VAV2: variants seen among roughly 807,000 people sequenced by gnomAD.
VAV2 encodes guanine nucleotide exchange factor VAV2.
VAV2 carries 67 observed loss-of-function variants against 132.5 expected under a neutral mutation model. That is an observed-to-expected ratio of 0.51 (90% confidence interval 0.42 to 0.62). VAV2 has a LOEUF of 0.62. Ranked by LOEUF, VAV2 falls within the 20% of genes least tolerant of loss-of-function variation. The pLI is 0.00. For synonymous variants in VAV2, 492 were observed against 443.5 expected (o/e 1.11, Z -1.37); for missense variants, 938 against 1,153.6 (o/e 0.81, Z 2.71).
At chr9:133,843,995 G>A (rs919977637) in intron 3 of VAV2, among the ~76,000 whole-genome samples, 2 of 152,194 alleles carry the variant, frequency 1.3e-5, no homozygotes, top group Non-Finnish European at 2.9e-5. Flanking sequence ...AGGGGAGATG[G>A]TGAATACACC....
intron 2 of VAV2, among the ~76,000 whole-genome samples, chr9:133,906,221 C>T (rs1338021078): frequency 6.6e-6 from 1 of 152,190 alleles, no homozygotes; most frequent in South Asian, 2.1e-4. Flanking sequence ...CACACATCAC[C>T]GTGTGCCTGC....
chr9:133,878,769 C>G (rs1838369493), intron 2 of VAV2, among the ~76,000 whole-genome samples: 1 of 152,222 alleles, frequency 6.6e-6, no homozygotes. Context: ...GGTCCCGATC[C>G]AGCCAGTGGG....
rs1376404854 is a variant in VAV2, at chr9:133,772,066, C to T, written c.2136-20G>A. ...TTGAACCTGAGCAAACACACGGCCC[C>T]GGCGGTCACCGCGTGAGGGCCACAC... On this transcript the variant is annotated intron_variant, in intron 25 of 29. Coordinates refer to ENST00000371850, the MANE Select transcript of VAV2 (RefSeq NM_001134398.2). 1.2e-5 allele frequency: 20 copies of T among 1,609,504 alleles called. No individual in the cohort carries two copies. The highest frequency in any genetic ancestry group is 1.5e-5 in the Non-Finnish European group (18 of 1,176,104).
Position 133,794,353 on chromosome 9 carries a change from G to A in VAV2, c.1101+1315C>T, listed in dbSNP as rs539589864. Among the ~76,000 whole-genome samples the A allele has an allele frequency of 1.4e-4, 21 of 152,158 alleles. No homozygotes were observed. Among genetic ancestry groups the A allele is most frequent in the Admixed American group, 1.4e-3 (21 of 15,290 alleles). ...AGGGTGCTCGCTGCCCAGTGCAGCC[G>A]AGCGGGAATCTGAAGGTCTCTGGGA... On this transcript the variant is annotated intron_variant, in intron 12 of 29. Coordinates refer to ENST00000371850, the MANE Select transcript of VAV2 (RefSeq NM_001134398.2). The surrounding 1 kb of genome is among the most constrained non-coding windows in gnomAD (Gnocchi z 4.6).
chr9:133,988,371 A>G (rs1196312778), intron 1 of VAV2, among the ~76,000 whole-genome samples: 2 of 152,170 alleles, frequency 1.3e-5, no homozygotes, highest in African/African-American at 4.8e-5. Flanking sequence ...TTATTTAAAC[A>G]GTCCTGGGAG....
chr9:133,808,254 C>T (rs76730015), intron 7 of VAV2, among the ~76,000 whole-genome samples: 2,363 of 152,282 alleles, frequency 0.016, 66 homozygotes, highest in African/African-American at 0.054. Context: ...GCAGAAAGGC[C>T]GCTGGCCAAG....
chr9:133,849,488 T>C lies in VAV2; in HGVS notation c.380+11886A>G, dbSNP rs188635587. Among the ~76,000 whole-genome samples the C allele has an allele frequency of 6.4e-4, 98 of 152,356 alleles. 1 individual carries two copies. Among genetic ancestry groups the C allele is most frequent in the Admixed American group, 2.6e-3 (40 of 15,308 alleles). On this transcript the variant is annotated intron_variant, in intron 3 of 29. Coordinates refer to ENST00000371850, the MANE Select transcript of VAV2 (RefSeq NM_001134398.2). The stretch of plus-strand genomic sequence containing the variant: ...GAGGCGTGGCTGAGGGACCCCCTCC[T>C]GGACCCTGCGTCCCAGAGCTGGCTG...
chr9:133,862,634 G>A (rs903748193), intron 2 of VAV2, among the ~76,000 whole-genome samples: 4 of 152,190 alleles, frequency 2.6e-5, no homozygotes, highest in Non-Finnish European at 5.9e-5. Context: ...CGACGGCCAC[G>A]TGCCGAATTC....
intron 2 of VAV2, among the ~76,000 whole-genome samples, chr9:133,888,954 C>T (rs2073883): frequency 0.2 from 30,469 of 152,164 alleles, 3,506 homozygotes; most frequent in East Asian, 0.33. Context: ...GGAGACGACA[C>T]GAACAGCATG....
Position 133,769,269 on chromosome 9 carries a change from C to T in VAV2, c.2434+148G>A, listed in dbSNP as rs980356455. 2.3e-6 allele frequency: 2 copies of T among 880,498 alleles called. No individual in the cohort carries two copies. Among genetic ancestry groups the T allele is most frequent in the Admixed American group, 2.9e-5 (1 of 34,032 alleles). The allele number at this position is 880,498 out of a possible 1,614,324, so 54.5% of individuals were successfully genotyped here. On this transcript the variant is annotated intron_variant, in intron 28 of 29. Transcript: ENST00000371850. This position sits in a 1 kb window ranked among gnomAD's most constrained non-coding sequence, Gnocchi z 8.1. Reference sequence around the variant, plus strand: ...AGCAGCCTCTGCCCGGCCTCCCCAGCCCCTTTCTCCCCTCCACCCAGTGCC... The same window carrying T: ...AGCAGCCTCTGCCCGGCCTCCCCAGTCCCTTTCTCCCCTCCACCCAGTGCC...
intron 3 of VAV2, among the ~76,000 whole-genome samples, chr9:133,858,413 G>A (rs1837466752): frequency 6.6e-6 from 1 of 152,196 alleles, no homozygotes; most frequent in Non-Finnish European, 1.5e-5. Context: ...TGGGAGAACT[G>A]AGCACTATGC....
intron 4 of VAV2, among the ~76,000 whole-genome samples, chr9:133,820,406 C>T (rs1299374185): frequency 2.0e-5 from 3 of 151,552 alleles, no homozygotes; most frequent in Non-Finnish European, 4.4e-5. Context: ...TCACTGCAGG[C>T]TCTGCCTCCG....
At chr9:133,815,770 T>TTG (rs570351071) in intron 4 of VAV2, among the ~76,000 whole-genome samples, 31 of 152,156 alleles carry the variant, frequency 2.0e-4, no homozygotes, top group African/African-American at 6.0e-4. Flanking sequence ...AGCATTCAAG[T>TTG]TGTGTGTGTG....
At chr9:133,812,058 A>C in intron 5 of VAV2, 56 bp downstream of exon 5, 1 of 1,563,550 alleles carries the variant, frequency 6.4e-7, no homozygotes, top group Non-Finnish European at 8.8e-7. Context: ...AGCAAGGGCC[A>C]GGCTGCTCTG....
intron 4 of VAV2, among the ~76,000 whole-genome samples, chr9:133,813,651 A>T (rs1835443814): frequency 6.6e-6 from 1 of 152,260 alleles, no homozygotes; most frequent in South Asian, 2.1e-4. Flanking sequence ...TCCCGCAGGC[A>T]GGCGGGCAAA....
intron 19 of VAV2, 61 bp downstream of exon 19, chr9:133,783,441 AG>A (rs1175050496): frequency 1.3e-6 from 2 of 1,488,252 alleles, no homozygotes; most frequent in African/African-American, 1.6e-5. Context: ...CCCAGGTGGT[AG>A]GGGGCAGAAG....
intron 10 of VAV2, among the ~76,000 whole-genome samples, chr9:133,797,311 C>T (rs368950514): frequency 2.0e-5 from 3 of 151,946 alleles, no homozygotes; most frequent in Non-Finnish European, 4.4e-5. Flanking sequence ...TCAGTCAGAG[C>T]CCCCAGTTGA....
At chr9:133,933,940 G>GGTGA (rs1236611119) in intron 2 of VAV2, among the ~76,000 whole-genome samples, 15 of 83,506 alleles carry the variant, frequency 1.8e-4, no homozygotes, top group African/African-American at 5.9e-4. Context: ...TGGATGGATG[G>GGTGA]ATGGATGGAT....
At chr9:133,939,641 G>A (rs969742888) in intron 1 of VAV2, among the ~76,000 whole-genome samples, 8 of 152,262 alleles carry the variant, frequency 5.3e-5, no homozygotes, top group African/African-American at 7.2e-5. Flanking sequence ...TGTCGAGGCC[G>A]ACAGTCACAG....
Sources: allele counts gnomAD v4.1 joint callset (sites outside exome capture counted in the v4.1 genomes callset), GRCh38; gene constraint gnomAD v4.1.1; non-coding constraint Gnocchi (gnomAD v3.1); transcripts MANE v1.5; gene names NCBI Gene and HGNC (gene_info 2026-07-23, HGNC 2026-07-21).